Variants in ABLIM1 observed in about 807,000 individuals in gnomAD.
The protein encoded by ABLIM1 is actin-binding LIM protein 1.
In ABLIM1, 40 loss-of-function variants were observed where a neutral mutation model predicts 107.0. The ratio of observed to expected loss-of-function variants is 0.37; its 90% CI spans 0.29 to 0.49. ABLIM1 has a LOEUF of 0.49. Ranked by LOEUF, ABLIM1 falls within the 20% of genes least tolerant of loss-of-function variation. ABLIM1 has a pLI of 0.97. For missense variants in ABLIM1, 857 were observed against 1,008.5 expected, an observed-to-expected ratio of 0.85 and a Z score of 2.04; for synonymous variants, 357 against 357.3, an observed-to-expected ratio of 1.00 and a Z score of 0.01.
chr10:114,712,336 GA>G (rs2081568886), intron 1 of ABLIM1, among the ~76,000 whole-genome samples: 1 of 112,830 alleles, frequency 8.9e-6, no homozygotes, highest in Non-Finnish European at 1.6e-5. Flanking sequence ...CTGGGTGACA[GA>G]GCGAGACTCC....
intron 1 of ABLIM1, among the ~76,000 whole-genome samples, chr10:114,643,389 C>G (rs2078836747): frequency 6.6e-6 from 1 of 152,174 alleles, no homozygotes; most frequent in African/African-American, 2.4e-5. Context: ...GAAGCAACCT[C>G]AGATCACATC....
At chr10:114,475,743 G>A (rs1434751416) in intron 8 of ABLIM1, among the ~76,000 whole-genome samples, 2 of 152,194 alleles carry the variant, frequency 1.3e-5, no homozygotes, top group East Asian at 3.8e-4. Flanking sequence ...GAGAGTGAGA[G>A]GTGGTTATGT....
rs1022125421 is a variant in ABLIM1, at chr10:114,722,201, T to C, written c.-213+45860A>G. Among the ~76,000 whole-genome samples, 7 of 152,278 alleles carry C rather than the reference T, an allele frequency of 4.6e-5. No individual in the cohort carries two copies. The East Asian group carries it at 7.7e-4, about 17-fold the overall frequency. On this transcript the variant is annotated intron_variant, in intron 1 of 15. Coordinates refer to the ABLIM1 transcript ENST00000651092. Reference sequence around the variant, plus strand: ...TGGCTCATGGTTCCATAGGTTTCCATAGGTTGTACAGGAAGCATGGCTGGG... The same window carrying C: ...TGGCTCATGGTTCCATAGGTTTCCACAGGTTGTACAGGAAGCATGGCTGGG...
intron 6 of ABLIM1, among the ~76,000 whole-genome samples, chr10:114,499,479 G>C (rs1348508496): frequency 6.6e-6 from 1 of 152,220 alleles, no homozygotes; most frequent in Non-Finnish European, 1.5e-5. Context: ...GGTGATTTCA[G>C]ACTAAGGATA....
chr10:114,446,105 C>G (rs1317718740), intron 15 of ABLIM1, among the ~76,000 whole-genome samples: 1 of 152,190 alleles, frequency 6.6e-6, no homozygotes, highest in South Asian at 2.1e-4. Flanking sequence ...GCAAATTTAT[C>G]TACATACCAA....
chr10:114,607,970 C>T (rs11196802), intron 1 of ABLIM1, among the ~76,000 whole-genome samples: 19,340 of 152,228 alleles, frequency 0.13, 1,519 homozygotes, highest in South Asian at 0.17. Flanking sequence ...GTTACACCAA[C>T]GCAAAATGTT....
chr10:114,754,765 T>C (rs1313528684), intron 1 of ABLIM1, among the ~76,000 whole-genome samples: 1 of 152,168 alleles, frequency 6.6e-6, no homozygotes, highest in East Asian at 1.9e-4. Context: ...GTAGGCAGCT[T>C]TGCTATGAAA....
chr10:114,746,429 A>G (rs1225366260), intron 1 of ABLIM1, among the ~76,000 whole-genome samples: 1 of 152,140 alleles, frequency 6.6e-6, no homozygotes, highest in East Asian at 1.9e-4. Flanking sequence ...TCTTCCTTTT[A>G]TAAGGGTGAA....
At chr10:114,781,519 A>G in the ABLIM1 span, among the ~76,000 whole-genome samples, 1 of 147,638 alleles carries the variant, frequency 6.8e-6, no homozygotes, top group East Asian at 2.0e-4. Context: ...AAGAAAAAAA[A>G]AGAAAAATAT....
chr10:114,687,967 C>T (rs1392253176), upstream of ABLIM1, among the ~76,000 whole-genome samples: 2 of 151,444 alleles, frequency 1.3e-5, no homozygotes, highest in African/African-American at 4.9e-5. Context: ...TCATTGGTCC[C>T]ATCCCAAGCT....
intron 1 of ABLIM1, among the ~76,000 whole-genome samples, chr10:114,702,783 G>A (rs2081334109): frequency 6.6e-6 from 1 of 151,978 alleles, no homozygotes; most frequent in South Asian, 2.1e-4. Context: ...AAAGTGCTGG[G>A]ATTACAAGCG....
the ABLIM1 span, among the ~76,000 whole-genome samples, chr10:114,788,497 G>A: frequency 6.6e-6 from 1 of 151,436 alleles, no homozygotes; most frequent in African/African-American, 2.4e-5. Flanking sequence ...GGAAGCTGAG[G>A]GGGACGGATC....
intron 6 of ABLIM1, among the ~76,000 whole-genome samples, chr10:114,496,941 T>C (rs1349193047): frequency 6.6e-6 from 1 of 152,218 alleles, no homozygotes; most frequent in Non-Finnish European, 1.5e-5. Context: ...GCACCCATGA[T>C]GGTTCACAGA....
chr10:114,766,574 TC>T (rs2082899528), intron 1 of ABLIM1, among the ~76,000 whole-genome samples: 2 of 152,052 alleles, frequency 1.3e-5, no homozygotes, highest in African/African-American at 4.8e-5. Flanking sequence ...ACTTGATGCT[TC>T]CTAGGGCATA....
At chr10:114,684,159 A>G in intron 1 of ABLIM1, 2 of 879,352 alleles carry the variant, frequency 2.3e-6, no homozygotes, top group Non-Finnish European at 3.3e-6. Flanking sequence ...TTGTAAAACA[A>G]TCTTTTACTT....
chr10:114,499,564 A>T (rs1020359747), intron 6 of ABLIM1, among the ~76,000 whole-genome samples: 6 of 152,202 alleles, frequency 3.9e-5, no homozygotes, highest in Non-Finnish European at 4.4e-5. Flanking sequence ...GCAACACCCA[A>T]GAAGCCTTTT....
chr10:114,441,199 A>ATT, intron 18 of ABLIM1, 122 bp from the exon 19 acceptor site: 21 of 976,090 alleles, frequency 2.2e-5, no homozygotes, highest in Non-Finnish European at 2.6e-5. Flanking sequence ...TCAGACCTTC[A>ATT]TTTTTTTTTT....
At chr10:114,712,211 G>C (rs1349806849) in intron 1 of ABLIM1, among the ~76,000 whole-genome samples, 1 of 151,888 alleles carries the variant, frequency 6.6e-6, no homozygotes, top group Non-Finnish European at 1.5e-5. Context: ...AAATTAGCCA[G>C]GCATGGTGGT....
intron 2 of ABLIM1, among the ~76,000 whole-genome samples, chr10:114,587,185 T>G (rs2074286372): frequency 6.6e-6 from 1 of 152,222 alleles, no homozygotes; most frequent in African/African-American, 2.4e-5. Flanking sequence ...TCCAACTCAT[T>G]GTTGTAATCT....
Sources: gnomAD v4.1 joint callset for allele counts (sites outside exome capture counted in the v4.1 genomes callset) on GRCh38, gnomAD v4.1.1 for gene constraint, MANE v1.5 for transcripts, NCBI Gene and HGNC (gene_info 2026-07-23, HGNC 2026-07-21) for gene names.